The following MYOZ2 variants were observed in gnomAD, a reference collection of about 807,000 sequenced individuals.
MYOZ2 encodes the protein myozenin 2.
Under a neutral mutation model 25.4 loss-of-function variants are expected in MYOZ2, and 19 were observed. The ratio of observed to expected loss-of-function variants is 0.75; its 90% CI spans 0.52 to 1.10. The LOEUF (loss-of-function observed/expected upper bound fraction) is 1.10. MYOZ2 is among the 50% of genes least tolerant of loss of function. MYOZ2 has a pLI of 0.00. For synonymous variants in MYOZ2, 92 were observed against 106.9 expected, an observed-to-expected ratio of 0.86 and a Z score of 0.86; for missense variants, 270 against 317.9, an observed-to-expected ratio of 0.85 and a Z score of 1.15.
At chr4:119,152,771 T>A (rs533152606) in intron 3 of MYOZ2, among the ~76,000 whole-genome samples, 1 of 152,246 alleles carries the variant, frequency 6.6e-6, no homozygotes, top group South Asian at 2.1e-4. Context: ...AATAATAATA[T>A]ATGCAATAAA....
intron 2 of MYOZ2, among the ~76,000 whole-genome samples, chr4:119,148,617 C>G (rs1442141403): frequency 1.3e-5 from 2 of 151,722 alleles, no homozygotes; most frequent in Non-Finnish European, 2.9e-5. Context: ...TCATTTGCCC[C>G]CTCTATTTTA....
chr4:119,139,923 C>T (rs918697149), intron 2 of MYOZ2, among the ~76,000 whole-genome samples: 6 of 144,124 alleles, frequency 4.2e-5, no homozygotes, highest in Admixed American at 2.9e-4. Flanking sequence ...TTCCCCAGCA[C>T]ACTGAAGAGA....
chr4:119,145,233 A>G (rs938670058), intron 2 of MYOZ2, among the ~76,000 whole-genome samples: 10 of 151,754 alleles, frequency 6.6e-5, no homozygotes, highest in Non-Finnish European at 1.0e-4. Flanking sequence ...AATTCTTTTC[A>G]TATATTGCTT....
Position 119,187,227 on chromosome 4 carries a change from A to T in MYOZ2, c.*1027A>T, listed in dbSNP as rs1742313121. ...GACATAAAAGACACAAACTAATATA[A>T]AGTTATAGTTATATCTTAAAATATA... is the stretch of plus-strand genomic sequence containing the variant. On this transcript the variant is annotated 3_prime_UTR_variant, in exon 6 of 6. Coordinates refer to ENST00000307128, the MANE Select transcript of MYOZ2 (RefSeq NM_016599.5). The T allele has an allele frequency of 6.6e-6, 1 of 152,166 alleles. No homozygotes were observed. The highest frequency in any genetic ancestry group is 1.5e-5 in the Non-Finnish European group (1 of 68,010). 9.4% of individuals were successfully genotyped at this position (152,166 alleles called of 1,614,324 possible).
chr4:119,182,556 G>A (rs951344121), intron 5 of MYOZ2, among the ~76,000 whole-genome samples: 1 of 151,768 alleles, frequency 6.6e-6, no homozygotes, highest in African/African-American at 2.4e-5. Context: ...GGGTGGCAGG[G>A]TGGGGGGAGA....
intron 5 of MYOZ2, among the ~76,000 whole-genome samples, chr4:119,174,517 C>T (rs545889138): frequency 1.6e-4 from 25 of 152,274 alleles, no homozygotes; most frequent in Admixed American, 7.8e-4. Flanking sequence ...CCAATCCACA[C>T]TCTGTATCTA....
At chr4:119,137,960 T>A (rs1331469113) in intron 2 of MYOZ2, among the ~76,000 whole-genome samples, 2 of 152,196 alleles carry the variant, frequency 1.3e-5, no homozygotes, top group African/African-American at 4.8e-5. Context: ...TATTTTCTAA[T>A]GACATCCTAA....
intron 3 of MYOZ2, among the ~76,000 whole-genome samples, chr4:119,157,637 T>C (rs939260515): frequency 6.6e-6 from 1 of 152,222 alleles, no homozygotes; most frequent in African/African-American, 2.4e-5. Context: ...GGCCAAATGC[T>C]TAGCCAGTAT....
chr4:119,163,563 T>A (rs892040377), intron 4 of MYOZ2, among the ~76,000 whole-genome samples: 2 of 152,132 alleles, frequency 1.3e-5, no homozygotes, highest in African/African-American at 2.4e-5. Context: ...AAGAATAAAC[T>A]GGGGAGGTGA....
In MYOZ2 at chr4:119,142,769, A is replaced by G. The variant is rs933346877; in HGVS notation, c.76+6168A>G. Among the ~76,000 whole-genome samples, 3 of 152,214 alleles carry G rather than the reference A, an allele frequency of 2.0e-5. No homozygotes were observed. In the South Asian group the frequency reaches 6.2e-4, roughly 32 times the overall value. Reference sequence around the variant, plus strand: ...TAGACTTTATTTTTTAGAGTTTTAGACTTGCAGGAAAGTGAGGGAGAAAGT... The same window carrying G: ...TAGACTTTATTTTTTAGAGTTTTAGGCTTGCAGGAAAGTGAGGGAGAAAGT... On this transcript the variant is annotated intron_variant, in intron 2 of 5. Coordinates refer to ENST00000307128, the MANE Select transcript of MYOZ2 (RefSeq NM_016599.5).
At position 119,150,980 on chromosome 4, in the gene MYOZ2, A is replaced by G; in HGVS notation, c.185A>G (p.Gln62Arg). Reference sequence around the variant, plus strand: ...GGTGCCAGGCTATTTAAGATGCGTCAAAGAAGATCTGACAAATACACATTT... The same window carrying G: ...GGTGCCAGGCTATTTAAGATGCGTCGAAGAAGATCTGACAAATACACATTT... Reference protein sequence around the residue: ...NRGARLFKMRQRRSDKYTFEN... With the variant: ...NRGARLFKMRRRRSDKYTFEN... The change falls in exon 3 of 6, where the codon CAA becomes CGA. Residue 62 changes from glutamine to arginine, a missense_variant. Coordinates refer to ENST00000307128, the MANE Select transcript of MYOZ2 (RefSeq NM_016599.5). 2 of 1,613,654 alleles carry G rather than the reference A, an allele frequency of 1.2e-6. No homozygotes were observed. The highest frequency in any genetic ancestry group is 8.5e-7 in the Non-Finnish European group (1 of 1,179,564).
chr4:119,151,186 GT>G, intron 3 of MYOZ2, 145 bp downstream of exon 3: 1 of 817,582 alleles, frequency 1.2e-6, no homozygotes, highest in Non-Finnish European at 1.9e-6. Context: ...ATAATGAATA[GT>G]TTAGGTGGGT....
At position 119,187,482 on chromosome 4, in the gene MYOZ2, A is replaced by C. The variant is rs1362079714; in HGVS notation, c.*1282A>C. On this transcript the variant is annotated 3_prime_UTR_variant, in exon 6 of 6. Coordinates refer to ENST00000307128, the MANE Select transcript of MYOZ2 (RefSeq NM_016599.5). ...AAAAAATCTGTGTTTGTAGTGTGGA[A>C]GTTGGTGACTGTTTTAATCATCATC... 1 of 152,118 alleles carries C rather than the reference A, an allele frequency of 6.6e-6. No homozygotes were observed. Among genetic ancestry groups the C allele is most frequent in the African/African-American group, 2.4e-5 (1 of 41,434 alleles). 9.4% of individuals were successfully genotyped at this position (152,118 alleles called of 1,614,324 possible). A position where few individuals can be genotyped will look rare whatever the true frequency, so the allele number is the denominator to read the frequency against.
At chr4:119,150,488 C>G (rs145874393) in intron 2 of MYOZ2, among the ~76,000 whole-genome samples, 4 of 129,258 alleles carry the variant, frequency 3.1e-5, no homozygotes, top group African/African-American at 1.0e-4. Flanking sequence ...ATAGCTAAAG[C>G]TGACACATAA....
intron 5 of MYOZ2, among the ~76,000 whole-genome samples, chr4:119,176,534 A>G (rs929604867): frequency 6.6e-6 from 1 of 152,150 alleles, no homozygotes; most frequent in African/African-American, 2.4e-5. Flanking sequence ...TGAACAAACT[A>G]TTGATATACA....
chr4:119,149,835 G>C (rs146843180), intron 2 of MYOZ2, among the ~76,000 whole-genome samples: 45 of 152,114 alleles, frequency 3.0e-4, no homozygotes, highest in African/African-American at 9.6e-4. Flanking sequence ...AAACAAAACA[G>C]GTAAACTAAT....
At chr4:119,148,508 T>C (rs1741361851) in intron 2 of MYOZ2, among the ~76,000 whole-genome samples, 1 of 152,108 alleles carries the variant, frequency 6.6e-6, no homozygotes, top group Admixed American at 6.5e-5. Flanking sequence ...TAGAGTCCCA[T>C]GAATCCCTAA....
intron 5 of MYOZ2, among the ~76,000 whole-genome samples, chr4:119,170,036 C>G (rs1741914878): frequency 6.6e-6 from 1 of 152,088 alleles, no homozygotes; most frequent in African/African-American, 2.4e-5. Context: ...AATGAACTAT[C>G]TTAATCACTT....
chr4:119,175,810 C>A (rs544289531), intron 5 of MYOZ2, among the ~76,000 whole-genome samples: 9 of 151,804 alleles, frequency 5.9e-5, no homozygotes, highest in Non-Finnish European at 7.4e-5. Flanking sequence ...TGCATGGGGC[C>A]CCACATTTAT....
Sources: allele counts gnomAD v4.1 joint callset (sites outside exome capture counted in the v4.1 genomes callset), GRCh38; gene constraint gnomAD v4.1.1; transcripts MANE v1.5; gene names NCBI Gene and HGNC (gene_info 2026-07-23, HGNC 2026-07-21).